ENTPD3: variants seen among roughly 807,000 people sequenced by gnomAD.
ENTPD3 encodes CD39 antigen-like 3.
ENTPD3 carries 60 observed loss-of-function variants against 51.2 expected under a neutral mutation model. The observed-to-expected ratio is 1.17, with a 90% confidence interval of 0.95 to 1.45. The LOEUF is 1.45. Among genes scored for constraint, ENTPD3 ranks in the 40% most tolerant of loss-of-function variants. ENTPD3 has a pLI of 0.00. For missense variants in ENTPD3, 593 were observed against 641.1 expected (o/e 0.93, Z 0.81); for synonymous variants, 221 against 238.4 (o/e 0.93, Z 0.67).
intron 10 of ENTPD3, among the ~76,000 whole-genome samples, chr3:40,426,107 CTT>C (rs35267876): frequency 9.8e-5 from 11 of 112,448 alleles, no homozygotes; most frequent in African/African-American, 2.9e-4. Flanking sequence ...TTTTTCTTTT[CTT>C]TTTTTTTTTT....
In ENTPD3 at chr3:40,400,953, A is replaced by T. The variant is rs1955341834; in HGVS notation, c.228A>T (p.Pro76=). Residue 76 remains proline (P), a synonymous_variant, in exon 4 of 11, where the codon CCA becomes CCT. Transcript: ENST00000301825. ...SRTTVYVYQW[P]AEKENNTGVV... ...CCACAGTCTACGTGTATCAATGGCCAGCAGAAAAAGAGAATAATACCGGAG... is the reference window on the plus strand; with the variant it reads ...CCACAGTCTACGTGTATCAATGGCCTGCAGAAAAAGAGAATAATACCGGAG... The T allele has an allele frequency of 6.2e-7, 1 of 1,613,982 alleles. No homozygotes were observed. The highest frequency in any genetic ancestry group is 8.5e-7 in the Non-Finnish European group (1 of 1,180,034).
At chr3:40,404,505 T>G (rs904579760) in intron 4 of ENTPD3, among the ~76,000 whole-genome samples, 10 of 152,070 alleles carry the variant, frequency 6.6e-5, no homozygotes, top group Admixed American at 2.6e-4. Context: ...AAGACTTACA[T>G]GGGGAGGTGT....
intron 4 of ENTPD3, 111 bp from the exon 5 acceptor site, chr3:40,411,701 C>T: frequency 8.7e-7 from 1 of 1,147,006 alleles, no homozygotes; most frequent in South Asian, 1.9e-5. Flanking sequence ...TGTTTTCGAC[C>T]CCCTACCAAA....
chr3:40,420,233 CT>C (rs1415502325), intron 7 of ENTPD3, among the ~76,000 whole-genome samples: 3 of 147,694 alleles, frequency 2.0e-5, no homozygotes, highest in African/African-American at 7.6e-5. Flanking sequence ...TTTCTTTTTT[CT>C]TTTTTTCTTT....
At chr3:40,424,239 C>T (rs1370074809) in intron 10 of ENTPD3, 3 of 829,710 alleles carry the variant, frequency 3.6e-6, no homozygotes, top group Non-Finnish European at 4.4e-6. Flanking sequence ...TCTTCATATT[C>T]CCAGCACTCT....
At chr3:40,398,691 G>A (rs1955267838) in intron 3 of ENTPD3, among the ~76,000 whole-genome samples, 1 of 152,170 alleles carries the variant, frequency 6.6e-6, no homozygotes. Flanking sequence ...CAAAATAATG[G>A]AGAGGCTATG....
At chr3:40,404,250 G>A (rs1955440826) in intron 4 of ENTPD3, among the ~76,000 whole-genome samples, 1 of 152,166 alleles carries the variant, frequency 6.6e-6, no homozygotes, top group African/African-American at 2.4e-5. Flanking sequence ...CATAATAATA[G>A]TTATACCTAC....
rs892772401 is a variant in ENTPD3, at chr3:40,388,077, G to A, written c.20G>A (p.Arg7His). Residue 7 changes from arginine to histidine, a missense_variant, in exon 2 of 11, where the codon CGC becomes CAC. Coordinates refer to ENST00000301825, the MANE Select transcript of ENTPD3 (RefSeq NM_001248.4). ...GAAAAGATGTTCACTGTGCTGACCCGCCAACCATGTGAGCAAGCAGGTTAG... is the reference window on the plus strand; with the variant it reads ...GAAAAGATGTTCACTGTGCTGACCCACCAACCATGTGAGCAAGCAGGTTAG... MFTVLT[R>H]QPCEQAGLKA... The A allele has an allele frequency of 9.3e-6, 15 of 1,613,930 alleles. No individual in the cohort carries two copies. The highest frequency in any genetic ancestry group is 2.2e-5 in the South Asian group (2 of 91,070).
At chr3:40,424,119 T>A in intron 10 of ENTPD3, 156 bp downstream of exon 10, 1 of 985,342 alleles carries the variant, frequency 1.0e-6, no homozygotes, top group Non-Finnish European at 1.2e-6. Context: ...CCAGAAGAGG[T>A]CATGGAGAAT....
At position 40,423,855 on chromosome 3, in the gene ENTPD3, G is replaced by C. The variant is rs1955932612; in HGVS notation, c.1245G>C (p.Glu415Asp). 6.8e-6 allele frequency: 11 copies of C among 1,614,060 alleles called. No homozygotes were observed. Among genetic ancestry groups the C allele is most frequent in the African/African-American group, 1.3e-5 (1 of 75,018 alleles). Residue 415 changes from glutamate (E) to aspartate (D), a missense_variant, in exon 10 of 11, where the codon GAG becomes GAC. By Grantham distance (45) the Glu-to-Asp change is conservative. Coordinates refer to ENST00000301825, the MANE Select transcript of ENTPD3 (RefSeq NM_001248.4). ...CACTGCTGCTCCCCAAATTTGATGA[G>C]GTATATGCCCGCTCTTACTGCTTCT... is the stretch of plus-strand genomic sequence containing the variant. ...QLPLLLPKFD[E>D]VYARSYCFSA...
At chr3:40,406,290 T>C (rs1483860887) in intron 4 of ENTPD3, among the ~76,000 whole-genome samples, 3 of 152,124 alleles carry the variant, frequency 2.0e-5, no homozygotes, top group Non-Finnish European at 4.4e-5. Context: ...GCTCAGCATT[T>C]TCCAGGAAAA....
At chr3:40,404,608 C>A (rs1245671312) in intron 4 of ENTPD3, among the ~76,000 whole-genome samples, 1 of 152,132 alleles carries the variant, frequency 6.6e-6, no homozygotes, top group Non-Finnish European at 1.5e-5. Flanking sequence ...CACAGCATAT[C>A]CATAAATGGA....
intron 3 of ENTPD3, among the ~76,000 whole-genome samples, chr3:40,397,681 A>T (rs1182442677): frequency 6.6e-6 from 1 of 152,166 alleles, no homozygotes; most frequent in Non-Finnish European, 1.5e-5. Flanking sequence ...TGCTTTCGCT[A>T]TTGCTTTAGA....
rs753668285 is a variant in ENTPD3, at chr3:40,415,916, C to T, written c.674C>T (p.Thr225Ile). ...TGALDLGGAS[T>I]QISFVAGEKM... ...GCCCTGGACTTAGGTGGTGCCTCCA[C>T]CCAAATATCCTTCGTGGCAGGAGAG... is the stretch of plus-strand genomic sequence containing the variant. Residue 225 changes from threonine (T) to isoleucine (I), a missense_variant, in exon 7 of 11, where the codon ACC becomes ATC. Physicochemically the swap from Thr to Ile is moderately conservative, Grantham distance 89. Transcript: ENST00000301825. 7.4e-6 allele frequency: 12 copies of T among 1,614,042 alleles called. No homozygotes were observed. The highest frequency in any genetic ancestry group is 6.7e-5 in the East Asian group (3 of 44,880).
rs200719073 is a variant in ENTPD3, at chr3:40,415,982, T to C, written c.740T>C (p.Leu247Pro). The C allele has an allele frequency of 3.7e-6, 6 of 1,613,678 alleles. No homozygotes were observed. Among genetic ancestry groups the C allele is most frequent in the East Asian group, 2.2e-5 (1 of 44,822 alleles). Residue 247 changes from leucine to proline, a missense_variant, in exon 7 of 11, where the codon CTG becomes CCG. Physicochemically the swap from Leu to Pro is moderately conservative, Grantham distance 98. Transcript: ENST00000301825. ...LNTSDIMQVS[L>P]YGYVYTLYTH... ...ACCAGCGACATCATGCAGGTGTCCC[T>C]GTATGGCTACGTATACACGCTCTAC...
intron 4 of ENTPD3, among the ~76,000 whole-genome samples, chr3:40,408,604 A>T (rs1955557497): frequency 6.6e-6 from 1 of 152,302 alleles, no homozygotes; most frequent in South Asian, 2.1e-4. Flanking sequence ...CTGTTAACTA[A>T]CCTATCTCAT....
Position 40,424,716 on chromosome 3 carries a change from T to C in ENTPD3, c.1353+753T>C, listed in dbSNP as rs991202192. ...TAGGCAGGGCTAAGCCTTGTGAATA[T>C]GTTCAGCCAGCACTATGTTCCCCAG... On this transcript the variant is annotated intron_variant, in intron 10 of 10. Transcript: ENST00000301825. 56 of 701,650 alleles carry C rather than the reference T, an allele frequency of 8.0e-5. No individual in the cohort carries two copies. The African/African-American group carries it at 8.2e-4, about 10-fold the overall frequency. 43.5% of individuals were successfully genotyped at this position (701,650 alleles called of 1,614,324 possible).
chr3:40,413,384 C>A (rs1955677319), intron 5 of ENTPD3, among the ~76,000 whole-genome samples: 1 of 152,132 alleles, frequency 6.6e-6, no homozygotes, highest in African/African-American at 2.4e-5. Context: ...TAAGTGACTA[C>A]AATCAGGGAG....
At chr3:40,389,914 G>C (rs549838330) in intron 2 of ENTPD3, among the ~76,000 whole-genome samples, 1 of 152,308 alleles carries the variant, frequency 6.6e-6, no homozygotes, top group South Asian at 2.1e-4. Context: ...AATAAGACAG[G>C]ATCTATCCAA....
Sources: gnomAD v4.1 joint callset for allele counts (sites outside exome capture counted in the v4.1 genomes callset) on GRCh38, gnomAD v4.1.1 for gene constraint, MANE v1.5 for transcripts, NCBI Gene and HGNC (gene_info 2026-07-23, HGNC 2026-07-21) for gene names.